GPRC5B: variants seen among roughly 807,000 people sequenced by gnomAD.
The protein encoded by GPRC5B is G protein-coupled receptor class C group 5 member B.
In GPRC5B, 16 loss-of-function variants were observed where a neutral mutation model predicts 30.1. That is an observed-to-expected ratio of 0.53 (90% CI 0.36 to 0.81). GPRC5B has a LOEUF of 0.81. GPRC5B is among the 30% of genes least tolerant of loss of function. GPRC5B has a pLI of 0.01. For missense variants in GPRC5B, 428 were observed against 544.7 expected (o/e 0.79, Z 2.13); for synonymous variants, 241 against 239.5 (o/e 1.01, Z -0.06).
chr16:19,880,629 C>T (rs1340026021), intron 1 of GPRC5B, among the ~76,000 whole-genome samples: 1 of 152,146 alleles, frequency 6.6e-6, no homozygotes, highest in African/African-American at 2.4e-5. Flanking sequence ...CTGCAACCTG[C>T]AGCAGGTGCT....
rs373858726 is a variant in GPRC5B, at chr16:19,872,349, G to A, written c.497C>T (p.Ala166Val). ...GPAGWQLVGL[A>V]LCLMLVQVII... ...GACTTGCACCAGCATCAGGCACAGC[G>A]CCAGGCCCACCAGCTGCCAGCCCGC... is the stretch of plus-strand genomic sequence containing the variant. Residue 166 changes from alanine to valine, a missense_variant, in exon 2 of 4, where the codon GCG becomes GTG. Transcript: ENST00000300571. The surrounding 1 kb of genome is among the most constrained non-coding windows in gnomAD (Gnocchi z 5.0). The A allele has an allele frequency of 7.2e-5, 116 of 1,613,734 alleles. No homozygotes were observed. The highest frequency in any genetic ancestry group is 2.8e-4 in the African/African-American group (21 of 74,926).
At chr16:19,865,884 A>G (rs566106391) in intron 2 of GPRC5B, among the ~76,000 whole-genome samples, 33 of 152,172 alleles carry the variant, frequency 2.2e-4, no homozygotes, top group South Asian at 1.2e-3. Context: ...AAAATACCTA[A>G]TACCAAACTC....
chr16:19,881,762 A>G (rs1350496070), intron 1 of GPRC5B, among the ~76,000 whole-genome samples: 24 of 152,246 alleles, frequency 1.6e-4, no homozygotes, highest in Admixed American at 1.6e-3. Context: ...AGCCTGGGCG[A>G]CAGAGTTAAA....
chr16:19,863,481 A>C (rs1401145718), intron 2 of GPRC5B, among the ~76,000 whole-genome samples: 1 of 143,530 alleles, frequency 7.0e-6, no homozygotes, highest in East Asian at 2.1e-4. Flanking sequence ...CCAGGCAAGG[A>C]ATCTGTGTTC....
At chr16:19,876,828 C>T (rs1024561900) in intron 1 of GPRC5B, among the ~76,000 whole-genome samples, 3 of 152,242 alleles carry the variant, frequency 2.0e-5, no homozygotes, top group Non-Finnish European at 2.9e-5. Context: ...GCTCAGCATC[C>T]GCTTCTCCCA....
In GPRC5B at chr16:19,860,190, G is replaced by T; in HGVS notation, c.*310C>A. 3.4e-6 allele frequency: 1 copy of T among 294,392 alleles called. No homozygotes were observed. Among genetic ancestry groups the T allele is most frequent in the Non-Finnish European group, 6.4e-6 (1 of 155,902 alleles). 18.2% of individuals were successfully genotyped at this position (294,392 alleles called of 1,614,324 possible). The stretch of plus-strand genomic sequence containing the variant: ...TGTTCTACCCCCAGAGGATGAAACA[G>T]TCTTCCCAGCCACATTTTCCAGTGA... On this transcript the variant is annotated 3_prime_UTR_variant, in exon 4 of 4. Transcript: ENST00000300571.
upstream of GPRC5B, chr16:19,885,274 G>T (rs969845519): frequency 4.7e-6 from 6 of 1,281,890 alleles, no homozygotes; most frequent in South Asian, 1.2e-5. This position sits in a 1 kb window ranked among gnomAD's most constrained non-coding sequence, Gnocchi z 5.3. Context: ...TCCAAGGGGG[G>T]TTCATAAGCA....
chr16:19,882,279 G>C (rs2056813739), intron 1 of GPRC5B: 1 of 152,198 alleles, frequency 6.6e-6, no homozygotes, highest in Admixed American at 6.5e-5. Context: ...TGTGATCCAT[G>C]AATATGCAAA....
chr16:19,858,440 T>C lies in GPRC5B; in HGVS notation c.*2060A>G. ...TTTGTGCTGTGCTCACCTTATATGC[T>C]TGGACAATAAAGAACTTAGAAAACG... On this transcript the variant is annotated 3_prime_UTR_variant, in exon 4 of 4. Coordinates refer to ENST00000300571, the MANE Select transcript of GPRC5B (RefSeq NM_016235.3). 1.5e-6 allele frequency: 1 copy of C among 656,472 alleles called. No homozygotes were observed. The highest frequency in any genetic ancestry group is 2.8e-6 in the Non-Finnish European group (1 of 360,996). 40.7% of individuals were successfully genotyped at this position (656,472 alleles called of 1,614,324 possible). A position where few individuals can be genotyped will look rare whatever the true frequency, so the allele number is the denominator to read the frequency against.
chr16:19,858,659 C>G lies in GPRC5B; in HGVS notation c.*1841G>C, dbSNP rs2141135205. On this transcript the variant is annotated 3_prime_UTR_variant, in exon 4 of 4. Transcript: ENST00000300571. ...GCATGCAACCGCCCCCACCCCCACC[C>G]CAGGTCCTAGCTTCATTCCCTCCCA... 3 of 515,366 alleles carry G rather than the reference C, an allele frequency of 5.8e-6. No individual in the cohort carries two copies. In the Admixed American group the frequency reaches 9.9e-5, roughly 17 times the overall value. The allele number at this position is 515,366 out of a possible 1,614,324, so 31.9% of individuals were successfully genotyped here.
At chr16:19,885,382 T>G, upstream of GPRC5B, 1 of 1,178,022 alleles carries the variant, frequency 8.5e-7, no homozygotes. This position sits in a 1 kb window ranked among gnomAD's most constrained non-coding sequence, Gnocchi z 5.3. Flanking sequence ...GGTATACACC[T>G]AGGCGCACAC....
Position 19,860,231 on chromosome 16 carries a change from C to G in GPRC5B, c.*269G>C, listed in dbSNP as rs144491688. The G allele has an allele frequency of 2.3e-6, 1 of 430,162 alleles. No homozygotes were observed. The highest frequency in any genetic ancestry group is 4.1e-5 in the Admixed American group (1 of 24,666). The allele number at this position is 430,162 out of a possible 1,614,324, so 26.6% of individuals were successfully genotyped here. A position where few individuals can be genotyped will look rare whatever the true frequency, so the allele number is the denominator to read the frequency against. On this transcript the variant is annotated 3_prime_UTR_variant, in exon 4 of 4. Coordinates refer to ENST00000300571, the MANE Select transcript of GPRC5B (RefSeq NM_016235.3). Reference sequence around the variant, plus strand: ...TTTCCAGTGAGCCTAATACTATTTGCAATTAGCTTTGCTTTAGTTTGCGGG... The same window carrying G: ...TTTCCAGTGAGCCTAATACTATTTGGAATTAGCTTTGCTTTAGTTTGCGGG...
chr16:19,881,370 C>A (rs1208591737), intron 1 of GPRC5B, among the ~76,000 whole-genome samples: 2 of 151,928 alleles, frequency 1.3e-5, no homozygotes, highest in Non-Finnish European at 1.5e-5. Context: ...AGTTCAAGAC[C>A]AGCCTGGGCA....
chr16:19,874,977 C>A (rs2056749978), intron 1 of GPRC5B, among the ~76,000 whole-genome samples: 1 of 151,734 alleles, frequency 6.6e-6, no homozygotes, highest in Admixed American at 6.6e-5. Context: ...GCCAGACTTA[C>A]TGCCCCAGCT....
At chr16:19,874,867 T>TTC (rs2056748997) in intron 1 of GPRC5B, 1 of 151,304 alleles carries the variant, frequency 6.6e-6, no homozygotes, top group South Asian at 2.1e-4. Flanking sequence ...CCCTTTTTTT[T>TTC]TTTTTTTCTC....
Position 19,860,338 on chromosome 16 carries a change from A to G in GPRC5B, c.*162T>C. On this transcript the variant is annotated 3_prime_UTR_variant, in exon 4 of 4. Coordinates refer to ENST00000300571, the MANE Select transcript of GPRC5B (RefSeq NM_016235.3). ...GTCGGTGTTAGCTTTTCAGTTCGTC[A>G]GTGTTCACATTTACACGAAATCCCC... 5.0e-6 allele frequency: 3 copies of G among 602,086 alleles called. No individual in the cohort carries two copies. The Admixed American group carries it at 8.6e-5, about 17-fold the overall frequency. The allele number at this position is 602,086 out of a possible 1,614,324, so 37.3% of individuals were successfully genotyped here.
intron 1 of GPRC5B, among the ~76,000 whole-genome samples, chr16:19,883,238 T>C (rs1229320524): frequency 1.3e-5 from 2 of 150,400 alleles, no homozygotes; most frequent in African/African-American, 2.5e-5. Context: ...TTTATCTTTC[T>C]AACAAAACTG....
chr16:19,881,398 C>G (rs2056805849), intron 1 of GPRC5B, among the ~76,000 whole-genome samples: 1 of 152,048 alleles, frequency 6.6e-6, no homozygotes, highest in Non-Finnish European at 1.5e-5. Flanking sequence ...AAGACTGTCT[C>G]TATTATAAAT....
intron 3 of GPRC5B, 96 bp from the exon 4 acceptor site, chr16:19,860,640 A>G (rs1409858121): frequency 1.3e-6 from 1 of 771,930 alleles, no homozygotes; most frequent in East Asian, 2.6e-5. Context: ...AAAATAAGTT[A>G]CCTTGCTTTT....
Sources: gnomAD v4.1 joint callset for allele counts (sites outside exome capture counted in the v4.1 genomes callset) on GRCh38, gnomAD v4.1.1 for gene constraint, Gnocchi (gnomAD v3.1) non-coding constraint, MANE v1.5 for transcripts, NCBI Gene and HGNC (gene_info 2026-07-23, HGNC 2026-07-21) for gene names.